The following DLGAP2 variants were observed in gnomAD, a reference collection of about 807,000 sequenced individuals.
DLGAP2 encodes the protein disks large-associated protein 2.
Under a neutral mutation model 100.3 loss-of-function variants are expected in DLGAP2, and 26 were observed. The ratio of observed to expected loss-of-function variants is 0.26; its 90% confidence interval spans 0.19 to 0.36. The LOEUF (loss-of-function observed/expected upper bound fraction) is 0.36. Ranked by LOEUF, DLGAP2 falls within the 10% of genes least tolerant of loss-of-function variation. DLGAP2 has a pLI of 1.00. For synonymous variants in DLGAP2, 886 were observed against 630.1 expected (o/e 1.41, Z -6.08); for missense variants, 1,858 against 1,453.2 (o/e 1.28, Z -4.53).
intron 1 of DLGAP2, among the ~76,000 whole-genome samples, chr8:812,779 G>C (rs1343885538): frequency 1.3e-5 from 2 of 152,192 alleles, no homozygotes; most frequent in Non-Finnish European, 2.9e-5. Flanking sequence ...AAATGGGGTT[G>C]AGAAATGAGA....
intron 2 of DLGAP2, among the ~76,000 whole-genome samples, chr8:1,120,675 C>A (rs1267805798): frequency 1.3e-5 from 2 of 151,742 alleles, no homozygotes; most frequent in Admixed American, 6.6e-5. Context: ...CCTTTGGATG[C>A]CATGATGCCT....
intron 2 of DLGAP2, among the ~76,000 whole-genome samples, chr8:967,309 TA>T (rs1799895881): frequency 6.6e-6 from 1 of 152,238 alleles, no homozygotes. Context: ...CTTAAGCGCA[TA>T]TCCCTTTCGA....
chr8:1,668,584 G>A lies in DLGAP2; in HGVS notation c.2066G>A (p.Ser689Asn), dbSNP rs1798607268. ...TAAAQRHLPE[S>N]QSSSVRTSDK... ...GCTGCCCAGCGCCACCTGCCAGAGA[G>A]CCAGAGCAGCTCTGTGCGGACCAGC... Residue 689 changes from serine (S) to asparagine (N), a missense_variant, in exon 9 of 15, where the codon AGC becomes AAC. By Grantham distance (46) the Ser-to-Asn change is conservative. Coordinates refer to ENST00000637795, the MANE Select transcript of DLGAP2 (RefSeq NM_001346810.2). The A allele has an allele frequency of 6.3e-7, 1 of 1,597,416 alleles. No homozygotes were observed. The highest frequency in any genetic ancestry group is 1.3e-5 in the African/African-American group (1 of 74,650).
chr8:859,838 A>G (rs940730632), intron 1 of DLGAP2, among the ~76,000 whole-genome samples: 2 of 152,176 alleles, frequency 1.3e-5, no homozygotes, highest in East Asian at 3.9e-4. Flanking sequence ...GCCACCTCAC[A>G]GGCAGCCGAG....
intron 2 of DLGAP2, among the ~76,000 whole-genome samples, chr8:1,232,392 C>G (rs929984098): frequency 1.3e-5 from 2 of 152,220 alleles, no homozygotes; most frequent in Non-Finnish European, 2.9e-5. Context: ...CCTCATCATT[C>G]CAGGTCTCTG....
intron 3 of DLGAP2, among the ~76,000 whole-genome samples, chr8:1,295,080 CAG>C (rs932553374): frequency 1.3e-5 from 2 of 152,096 alleles, no homozygotes; most frequent in African/African-American, 4.8e-5. Context: ...AAACAGCAAA[CAG>C]GAAATCTACT....
chr8:1,470,748 CT>C (rs1798759404), intron 3 of DLGAP2, among the ~76,000 whole-genome samples: 4 of 141,482 alleles, frequency 2.8e-5, no homozygotes, highest in Admixed American at 2.1e-4. Flanking sequence ...TCCCCGACTC[CT>C]TCCCCGACTC....
At chr8:1,138,842 C>T (rs752097044) in intron 2 of DLGAP2, among the ~76,000 whole-genome samples, 16 of 151,742 alleles carry the variant, frequency 1.1e-4, no homozygotes, top group East Asian at 7.7e-4. Flanking sequence ...CTGGCCTGTG[C>T]GGCTGGTGGG....
At chr8:1,095,752 T>C (rs1804347506) in intron 2 of DLGAP2, among the ~76,000 whole-genome samples, 1 of 152,228 alleles carries the variant, frequency 6.6e-6, no homozygotes, top group African/African-American at 2.4e-5. Context: ...TAAATGTCTT[T>C]TTCTTTTTGT....
In DLGAP2 at chr8:1,667,631, C is replaced by T. The variant is rs149439843; in HGVS notation, c.1811-698C>T. Among the ~76,000 whole-genome samples, 841 of 152,362 alleles carry T rather than the reference C, an allele frequency of 5.5e-3. 8 individuals carry two copies. Among genetic ancestry groups the T allele is most frequent in the African/African-American group, 0.019 (782 of 41,586 alleles). On this transcript the variant is annotated intron_variant, in intron 8 of 14. Transcript: ENST00000637795. ...AAGCCCAAGAGCAGACAGTGCCCAT[C>T]CTGTCACTCAACAGCCGCGATTAAC...
intron 13 of DLGAP2, among the ~76,000 whole-genome samples, chr8:1,694,714 C>T (rs540267997): frequency 6.6e-6 from 1 of 152,062 alleles, no homozygotes; most frequent in East Asian, 1.9e-4. Flanking sequence ...CCAGGCCACA[C>T]GGGGCACCGA....
rs1285969827 is a variant in DLGAP2, at chr8:1,549,650, C to T, written c.1197C>T (p.Ala399=). ...NLDKPLLHQD[A]KPALRPCHYL... ...ACAAGCCGCTGCTGCACCAGGACGC[C>T]AAGCCCGCCCTGAGGCCGTGCCACT... Residue 399 remains alanine (A), a synonymous_variant, in exon 5 of 15, where the codon GCC becomes GCT. Transcript: ENST00000637795. 6.4e-7 allele frequency: 1 copy of T among 1,571,782 alleles called. No individual in the cohort carries two copies.
At chr8:816,189 C>T (rs1483450826) in intron 1 of DLGAP2, among the ~76,000 whole-genome samples, 8 of 151,640 alleles carry the variant, frequency 5.3e-5, no homozygotes, top group Non-Finnish European at 1.0e-4. Context: ...TTAAGTGGAA[C>T]ATTTAGTACA....
intron 2 of DLGAP2, among the ~76,000 whole-genome samples, chr8:920,706 G>A (rs1203393246): frequency 6.6e-6 from 1 of 152,174 alleles, no homozygotes; most frequent in Non-Finnish European, 1.5e-5. Context: ...AACCATGATC[G>A]TGCTTGGGCA....
rs868447659 is a variant in DLGAP2, at chr8:1,316,402, A to G, written c.106+57519A>G. On this transcript the variant is annotated intron_variant, in intron 3 of 14. Coordinates refer to ENST00000637795, the MANE Select transcript of DLGAP2 (RefSeq NM_001346810.2). ...TCGAGAAACTTGGCAGCTTTTAAAAATAGAGCGTGTGCGAGTGCAGCGTCT... is the reference window on the plus strand; with the variant it reads ...TCGAGAAACTTGGCAGCTTTTAAAAGTAGAGCGTGTGCGAGTGCAGCGTCT... Among the ~76,000 whole-genome samples, 432 of 127,688 alleles carry G rather than the reference A, an allele frequency of 3.4e-3. 1 individual carries two copies. Among genetic ancestry groups the G allele is most frequent in the Middle Eastern group, 0.019 (4 of 208 alleles). 83.8% of individuals were successfully genotyped at this position (127,688 alleles called of 152,430 possible). A position where few individuals can be genotyped will look rare whatever the true frequency, so the allele number is the denominator to read the frequency against.
chr8:949,890 TA>T (rs1195049187), intron 2 of DLGAP2, among the ~76,000 whole-genome samples: 1 of 152,042 alleles, frequency 6.6e-6, no homozygotes, highest in African/African-American at 2.4e-5. Flanking sequence ...GGCAGATGAG[TA>T]AAAATAGCGT....
intron 3 of DLGAP2, among the ~76,000 whole-genome samples, chr8:1,412,106 G>T (rs1295132877): frequency 6.6e-6 from 1 of 152,226 alleles, no homozygotes; most frequent in Non-Finnish European, 1.5e-5. Context: ...GGCCTCTCAA[G>T]CATGGGCTGG....
rs1563114216 is a variant in DLGAP2 at position 958,581 on chromosome 8, C to CA, written c.73+50615_73+50616insA. Among the ~76,000 whole-genome samples, 252 of 77,794 alleles carry CA rather than the reference C, an allele frequency of 3.2e-3. 16 individuals are homozygous for CA. The highest frequency in any genetic ancestry group is 0.016 in the Middle Eastern group (3 of 182). The allele number at this position is 77,794 out of a possible 152,430, so 51.0% of individuals were successfully genotyped here. A position where few individuals can be genotyped will look rare whatever the true frequency, so the allele number is the denominator to read the frequency against. On this transcript the variant is annotated intron_variant, in intron 2 of 14. Coordinates refer to ENST00000637795, the MANE Select transcript of DLGAP2 (RefSeq NM_001346810.2). ...AGTTATTGGAAATTAAACTAGACCT[C>CA]CAAAAAAAAAAAAAAAAAAAAAACT... is the stretch of plus-strand genomic sequence containing the variant.
At chr8:1,255,007 T>TGTGTGTGTGTCCTCTCATCCTGCC (rs1563043347) in intron 2 of DLGAP2, among the ~76,000 whole-genome samples, 6 of 32,052 alleles carry the variant, frequency 1.9e-4, no homozygotes, top group Non-Finnish European at 1.9e-4. Flanking sequence ...CTCATCCTGC[T>TGTGTGTGTGTCCTCTCATCCTGCC]TGGGCGCTGT....
Sources: gnomAD v4.1 joint callset for allele counts (sites outside exome capture counted in the v4.1 genomes callset) on GRCh38, gnomAD v4.1.1 for gene constraint, MANE v1.5 for transcripts, NCBI Gene and HGNC (gene_info 2026-07-23, HGNC 2026-07-21) for gene names.